Variants in NUP62CL observed in about 807,000 individuals in gnomAD.
NUP62CL encodes the protein nucleoporin 62 C-terminal like, also known as nucleoporin-62 C-terminal-like protein.
In NUP62CL, 13 loss-of-function variants were observed where a neutral mutation model predicts 15.3. The ratio of observed to expected loss-of-function variants is 0.85; its 90% CI spans 0.55 to 1.35. NUP62CL has a LOEUF of 1.35. NUP62CL is among the 40% of genes most tolerant of loss of function. The pLI is 0.00. For missense variants in NUP62CL, 123 were observed against 130.6 expected, an observed-to-expected ratio of 0.94 and a Z score of 0.28; for synonymous variants, 54 against 49.2, an observed-to-expected ratio of 1.10 and a Z score of -0.41.
At chrX:107,156,538 A>C (rs1448898869) in intron 4 of NUP62CL, among the ~76,000 whole-genome samples, 1 of 101,607 alleles carries the variant, frequency 9.8e-6, no homozygotes, top group Non-Finnish European at 2.0e-5. Flanking sequence ...CTCACACGGC[A>C]GGGTATTCCA....
At chrX:107,156,534 C>T (rs1473762194) in intron 4 of NUP62CL, among the ~76,000 whole-genome samples, 1 of 100,963 alleles carries the variant, frequency 9.9e-6, no homozygotes, top group African/African-American at 3.6e-5. Context: ...ACACCTCACA[C>T]GGCAGGGTAT....
At chrX:107,188,912 G>A (rs2147814674) in intron 2 of NUP62CL, among the ~76,000 whole-genome samples, 1 of 111,535 alleles carries the variant, frequency 9.0e-6, no homozygotes, top group Non-Finnish European at 1.9e-5. Flanking sequence ...ACAGCATTCT[G>A]TCTTTTGTAA....
chrX:107,198,033 C>T (rs1655276305), intron 1 of NUP62CL, among the ~76,000 whole-genome samples: 1 of 112,311 alleles, frequency 8.9e-6, no homozygotes, highest in African/African-American at 3.2e-5. Flanking sequence ...TAATCAGTGT[C>T]TTCTAATCAG....
At chrX:107,131,666 G>A in intron 8 of NUP62CL, 1 of 627,169 alleles carries the variant, frequency 1.6e-6, no homozygotes. Flanking sequence ...GGATCTGGAG[G>A]ATGGAGAAGA....
At chrX:107,153,029 G>A in intron 7 of NUP62CL, 143 bp downstream of exon 7, 1 of 476,293 alleles carries the variant, frequency 2.1e-6, no homozygotes. Flanking sequence ...CAAACAAATT[G>A]ATAAATGTCA....
rs762170886 is a variant in NUP62CL, at chrX:107,136,546, G to C, written c.*42+11197C>G. 3.6e-5 allele frequency among the ~76,000 whole-genome samples: 4 copies of C among 111,900 alleles called. No homozygotes were observed. In the South Asian group the frequency reaches 1.1e-3, roughly 31 times the overall value. ...AAATCCTTCTAAAAAATAAAGGCCAGTATTATACTATTACCAAAACCTGGC... is the reference window on the plus strand; with the variant it reads ...AAATCCTTCTAAAAAATAAAGGCCACTATTATACTATTACCAAAACCTGGC... On this transcript the variant is annotated intron_variant, in intron 8 of 8. Coordinates refer to ENST00000372466, the MANE Select transcript of NUP62CL (RefSeq NM_017681.3).
At chrX:107,197,493 C>T (rs1290998638) in intron 1 of NUP62CL, among the ~76,000 whole-genome samples, 1 of 110,554 alleles carries the variant, frequency 9.0e-6, no homozygotes, top group African/African-American at 3.3e-5. Flanking sequence ...TAAGTAACCT[C>T]TCCTTATCCA....
At chrX:107,138,038 G>A (rs1175522543) in intron 8 of NUP62CL, among the ~76,000 whole-genome samples, 1 of 111,287 alleles carries the variant, frequency 9.0e-6, no homozygotes, top group Non-Finnish European at 1.9e-5. Flanking sequence ...TGTTGTTGTT[G>A]TTTTTTAAGG....
intron 8 of NUP62CL, among the ~76,000 whole-genome samples, chrX:107,124,878 T>G (rs1925352585): frequency 9.0e-6 from 1 of 111,382 alleles, no homozygotes; most frequent in African/African-American, 3.3e-5. Flanking sequence ...ATACTCTGAG[T>G]TTTTCTATTA....
chrX:107,179,245 G>T (rs1309249790), intron 2 of NUP62CL, among the ~76,000 whole-genome samples: 4 of 111,118 alleles, frequency 3.6e-5, no homozygotes, highest in Non-Finnish European at 7.5e-5. Flanking sequence ...CATGTCATCT[G>T]CCCATTTTCA....
chrX:107,150,997 A>C (rs1254359904), intron 7 of NUP62CL: 5 of 340,924 alleles, frequency 1.5e-5, no homozygotes, highest in Middle Eastern at 8.8e-4. Flanking sequence ...AAAGGGATTA[A>C]CAAAAAGTGT....
At chrX:107,182,846 C>T (rs1014935750) in intron 2 of NUP62CL, among the ~76,000 whole-genome samples, 49 of 111,272 alleles carry the variant, frequency 4.4e-4, no homozygotes, top group African/African-American at 1.5e-3. Context: ...GATGGAAAGG[C>T]CTATATGAAT....
At chrX:107,138,870 T>C (rs1211623649) in intron 8 of NUP62CL, among the ~76,000 whole-genome samples, 1 of 112,167 alleles carries the variant, frequency 8.9e-6, no homozygotes, top group Non-Finnish European at 1.9e-5. Context: ...AGCAGTTTTA[T>C]TCATAATGTC....
chrX:107,153,119 T>A, intron 7 of NUP62CL, 53 bp downstream of exon 7: 4 of 1,106,718 alleles, frequency 3.6e-6, no homozygotes, highest in Non-Finnish European at 4.8e-6. Flanking sequence ...CCTGGAATGC[T>A]CTCAGAATAC....
chrX:107,203,079 T>G (rs1347983781), intron 1 of NUP62CL, among the ~76,000 whole-genome samples: 1 of 109,007 alleles, frequency 9.2e-6, no homozygotes, highest in African/African-American at 3.4e-5. Context: ...ATTGTCAAAT[T>G]CATACATCCA....
intron 8 of NUP62CL, among the ~76,000 whole-genome samples, chrX:107,126,860 C>T (rs1160796076): frequency 9.0e-6 from 1 of 111,605 alleles, no homozygotes; most frequent in Non-Finnish European, 1.9e-5. Context: ...CTTGTGAAAC[C>T]CTGTATCTAC....
intron 2 of NUP62CL, among the ~76,000 whole-genome samples, chrX:107,179,206 T>C (rs1391316796): frequency 1.8e-5 from 2 of 112,159 alleles, no homozygotes; most frequent in African/African-American, 6.5e-5. Flanking sequence ...TCATTGCTAC[T>C]TCAATTTTTT....
chrX:107,156,507 C>G (rs1239222907), intron 4 of NUP62CL, among the ~76,000 whole-genome samples: 13 of 105,172 alleles, frequency 1.2e-4, no homozygotes, highest in African/African-American at 3.5e-4. Context: ...GAGGCACCCC[C>G]CAGCAGGGGC....
intron 7 of NUP62CL, among the ~76,000 whole-genome samples, chrX:107,151,752 C>A (rs1926015360): frequency 9.2e-6 from 1 of 108,406 alleles, no homozygotes; most frequent in African/African-American, 3.4e-5. Flanking sequence ...AAATCTGGGC[C>A]GGGCGCGGTG....
Sources: allele counts gnomAD v4.1 joint callset (sites outside exome capture counted in the v4.1 genomes callset), GRCh38; gene constraint gnomAD v4.1.1; transcripts MANE v1.5; gene names NCBI Gene and HGNC (gene_info 2026-07-23, HGNC 2026-07-21).